The following AXIN2 variants were observed in gnomAD, a reference collection of about 807,000 sequenced individuals.
AXIN2 encodes the protein axin 2.
AXIN2 carries 21 observed loss-of-function variants against 74.7 expected under a neutral mutation model. The observed-to-expected ratio is 0.28, with a 90% CI of 0.20 to 0.40. AXIN2 has a LOEUF of 0.40. Ranked by LOEUF, AXIN2 falls within the 10% of genes least tolerant of loss-of-function variation. The pLI is 1.00. For synonymous variants in AXIN2, 532 were observed against 454.9 expected (o/e 1.17, Z -2.16); for missense variants, 1,144 against 1,111.1 (o/e 1.03, Z -0.42).
intron 1 of AXIN2, 109 bp from the exon 2 acceptor site, chr17:65,558,845 C>T (rs760081577): frequency 1.7e-6 from 1 of 589,192 alleles, no homozygotes; most frequent in South Asian, 2.1e-5. Flanking sequence ...CTTTTCAACT[C>T]CTCAAATTCA....
At chr17:65,546,105 C>A (rs987014140) in intron 3 of AXIN2, among the ~76,000 whole-genome samples, 1 of 151,220 alleles carries the variant, frequency 6.6e-6, no homozygotes, top group African/African-American at 2.4e-5. Flanking sequence ...GCCAGCCCCC[C>A]TCCCCAGCCC....
intron 3 of AXIN2, among the ~76,000 whole-genome samples, chr17:65,549,268 T>C (rs2044158003): frequency 6.6e-6 from 1 of 152,192 alleles, no homozygotes; most frequent in Non-Finnish European, 1.5e-5. Flanking sequence ...TCTTCTACTG[T>C]CCTTTAGTTT....
chr17:65,557,644 C>T (rs1381618816), intron 2 of AXIN2, among the ~76,000 whole-genome samples, 162 bp downstream of exon 2: 1 of 151,322 alleles, frequency 6.6e-6, no homozygotes, highest in African/African-American at 2.4e-5. Flanking sequence ...CGCTTTCCCC[C>T]TGTTTCAACA....
chr17:65,542,930 C>T (rs1250833659), intron 3 of AXIN2, among the ~76,000 whole-genome samples: 2 of 152,136 alleles, frequency 1.3e-5, no homozygotes, highest in African/African-American at 4.8e-5. Flanking sequence ...GGGGGCAAGC[C>T]AGGAGTAACT....
At chr17:65,544,802 T>G (rs748918895) in intron 3 of AXIN2, among the ~76,000 whole-genome samples, 1 of 152,166 alleles carries the variant, frequency 6.6e-6, no homozygotes, top group Non-Finnish European at 1.5e-5. Flanking sequence ...CCGAGCCAAT[T>G]AGCTTAGCCT....
At position 65,536,553 on chromosome 17, in the gene AXIN2, A is replaced by G. The variant is rs2043922200; in HGVS notation, c.1908T>C (p.Ser636=). The part of the protein sequence containing the change: ...SERQSKPKPH[S]AQSTKKAYPL... ...GGTAGGCCTTTTTTGTGCTTTGGGCACTAAACAAGGAATGAGCAGAGAGAA... is the reference window on the plus strand; with the variant it reads ...GGTAGGCCTTTTTTGTGCTTTGGGCGCTAAACAAGGAATGAGCAGAGAGAA... The change falls in exon 8 of 11, where the codon AGT becomes AGC. Residue 636 remains serine (S), a splice_region_variant and synonymous_variant. Transcript: ENST00000307078. 1 of 1,613,666 alleles carries G rather than the reference A, an allele frequency of 6.2e-7. No homozygotes were observed. The highest frequency in any genetic ancestry group is 8.5e-7 in the Non-Finnish European group (1 of 1,179,958).
chr17:65,535,937 T>C (rs1304880027), intron 8 of AXIN2, among the ~76,000 whole-genome samples: 2 of 152,150 alleles, frequency 1.3e-5, no homozygotes, highest in African/African-American at 4.8e-5. Flanking sequence ...GAGCCCAGGA[T>C]GGGACATTCT....
rs947743204 is a variant in AXIN2, at chr17:65,558,229, G to C, written c.392C>G (p.Ala131Gly). 1.2e-6 allele frequency: 2 copies of C among 1,614,078 alleles called. No homozygotes were observed. The highest frequency in any genetic ancestry group is 1.3e-5 in the African/African-American group (1 of 74,996). ...AATGTACCTTTTGTAGATCGCTTTG[G>C]CTACTCGTAAAGTTTTGGTATCCTT... ...NLKDTKTLRVAKAIYKRYIEN... is the reference protein window; with the variant it reads ...NLKDTKTLRVGKAIYKRYIEN... The change falls in exon 2 of 11, where the codon GCC (alanine) becomes GGC (glycine). Residue 131 changes from alanine (A) to glycine (G), a missense_variant. This residue lies in a region of AXIN2 where 1,053 missense variants were observed against 973.5 expected (regional missense o/e 1.08). Coordinates refer to ENST00000307078, the MANE Select transcript of AXIN2 (RefSeq NM_004655.4).
rs1457819815 is a variant in AXIN2 at position 65,558,214 on chromosome 17, T to C, written c.407A>G (p.Lys136Arg). 3.1e-6 allele frequency: 5 copies of C among 1,614,138 alleles called. No individual in the cohort carries two copies. Among genetic ancestry groups the C allele is most frequent in the Admixed American group, 1.7e-5 (1 of 60,024 alleles). The change falls in exon 2 of 11, where the codon AAA (lysine) becomes AGA (arginine). Residue 136 changes from lysine to arginine, a missense_variant. Around this residue, in one of 4 missense-constraint regions of AXIN2, gnomAD observed 1,053 missense variants for 973.5 expected, o/e 1.08. Coordinates refer to ENST00000307078, the MANE Select transcript of AXIN2 (RefSeq NM_004655.4). ...KTLRVAKAIY[K>R]RYIENNSIVS... ...AATGCTGTTGTTCTCAATGTACCTT[T>C]TGTAGATCGCTTTGGCTACTCGTAA...
At chr17:65,537,223 G>C (rs996860707) in intron 6 of AXIN2, 101 bp downstream of exon 6, 3 of 1,581,180 alleles carry the variant, frequency 1.9e-6, no homozygotes, top group Admixed American at 1.7e-5. Flanking sequence ...CGCCCTCTTA[G>C]AAACTAAATG....
intron 2 of AXIN2, among the ~76,000 whole-genome samples, chr17:65,554,667 G>A (rs1232403912): frequency 1.3e-5 from 2 of 152,208 alleles, no homozygotes; most frequent in East Asian, 1.9e-4. Flanking sequence ...TCAGAGAACT[G>A]GAAGCAGCAC....
At chr17:65,538,577 C>G (rs990634803) in intron 4 of AXIN2, among the ~76,000 whole-genome samples, 3 of 148,076 alleles carry the variant, frequency 2.0e-5, no homozygotes, top group Non-Finnish European at 4.5e-5. Flanking sequence ...GGTCGCACTC[C>G]GAGAGGCCCT....
intron 3 of AXIN2, among the ~76,000 whole-genome samples, 162 bp downstream of exon 3, chr17:65,549,358 C>A (rs114612890): frequency 6.6e-6 from 1 of 152,326 alleles, no homozygotes; most frequent in African/African-American, 2.4e-5. Flanking sequence ...CCTCCTTAAT[C>A]AGCACCATAC....
At position 65,558,573 on chromosome 17, in the gene AXIN2, G is replaced by A. The variant is rs774425655; in HGVS notation, c.48C>T (p.Ser16=). ...GGGGCCGCGGGGCATCCTCACGGAA[G>A]CTGCTGCTGGGGTCCGGGAGGCAAG... ...LVTCLPDPSS[S]FREDAPRPPV... The change falls in exon 2 of 11, where the codon AGC becomes AGT. Residue 16 remains serine, a synonymous_variant. Coordinates refer to ENST00000307078, the MANE Select transcript of AXIN2 (RefSeq NM_004655.4). 13 of 1,612,140 alleles carry A rather than the reference G, an allele frequency of 8.1e-6. No homozygotes were observed. In the South Asian group the frequency reaches 1.4e-4, roughly 18 times the overall value.
rs181479505 is a variant in AXIN2 at position 65,538,098 on chromosome 17, A to G, written c.1200+105T>C. On this transcript the variant is annotated intron_variant, in intron 5 of 10. Transcript: ENST00000307078. Reference sequence around the variant, plus strand: ...CGCAGCCCACGCGCATGCGCATGCAACCCACGCACATGCGCACACCCTAAC... The same window carrying G: ...CGCAGCCCACGCGCATGCGCATGCAGCCCACGCACATGCGCACACCCTAAC... 12 of 1,565,720 alleles carry G rather than the reference A, an allele frequency of 7.7e-6. No homozygotes were observed. In the East Asian group the frequency reaches 1.6e-4, roughly 21 times the overall value.
chr17:65,559,117 C>G (rs1321620513), intron 1 of AXIN2, among the ~76,000 whole-genome samples: 2 of 152,092 alleles, frequency 1.3e-5, no homozygotes, highest in Non-Finnish European at 2.9e-5. Context: ...TCCCTCCCTT[C>G]CCCTCCCCCG....
chr17:65,544,461 A>C (rs907123642), intron 3 of AXIN2, among the ~76,000 whole-genome samples: 1 of 150,816 alleles, frequency 6.6e-6, no homozygotes, highest in Non-Finnish European at 1.5e-5. Context: ...TTGTAACCAG[A>C]GCAGAAAAGG....
In AXIN2 at chr17:65,535,639, G is replaced by A. The variant is rs1323762983; in HGVS notation, c.2224C>T (p.Leu742=). Reference sequence around the variant, plus strand: ...AAAGACACTCACTCTTCTGGAGCCAGGCTTGGATTGGAGAAGGGTGTGGCT... The same window carrying A: ...AAAGACACTCACTCTTCTGGAGCCAAGCTTGGATTGGAGAAGGGTGTGGCT... ...TGATPFSNPS[L]APEDHKEPKK... is the part of the protein sequence containing the mutation. Residue 742 remains leucine, a synonymous_variant, in exon 9 of 11, where the codon CTG becomes TTG. Transcript: ENST00000307078. 2 of 1,614,184 alleles carry A rather than the reference G, an allele frequency of 1.2e-6. No individual in the cohort carries two copies. The highest frequency in any genetic ancestry group is 1.1e-5 in the South Asian group (1 of 91,084).
chr17:65,547,617 A>C (rs2044135237), intron 3 of AXIN2, among the ~76,000 whole-genome samples: 1 of 152,232 alleles, frequency 6.6e-6, no homozygotes, highest in Non-Finnish European at 1.5e-5. Flanking sequence ...GCAAGCCAAA[A>C]ATAGTCTCTA....
Sources: gnomAD v4.1 joint callset for allele counts (sites outside exome capture counted in the v4.1 genomes callset) on GRCh38, gnomAD v4.1.1 for gene constraint, gnomAD v4.1.1 regional missense constraint, MANE v1.5 for transcripts, NCBI Gene and HGNC (gene_info 2026-07-23, HGNC 2026-07-21) for gene names.